CNTN5: variants seen among roughly 807,000 people sequenced by gnomAD.
CNTN5 encodes the protein contactin 5.
In CNTN5, 77 loss-of-function variants were observed where a neutral mutation model predicts 129.1. The observed-to-expected ratio is 0.60, with a 90% confidence interval of 0.50 to 0.72. CNTN5 has a LOEUF of 0.72. Among genes scored for constraint, CNTN5 ranks in the 30% least tolerant of loss-of-function variants. CNTN5 has a pLI of 0.00. For missense variants in CNTN5, 1,478 were observed against 1,328.8 expected, an observed-to-expected ratio of 1.11 and a Z score of -1.75; for synonymous variants, 509 against 465.6, an observed-to-expected ratio of 1.09 and a Z score of -1.20.
intron 3 of CNTN5, among the ~76,000 whole-genome samples, chr11:99,774,379 AG>A (rs1945048017): frequency 6.6e-6 from 1 of 151,804 alleles, no homozygotes; most frequent in Admixed American, 6.6e-5. Context: ...GCCCTGTAAA[AG>A]GAGTTAATCT....
chr11:99,259,480 T>C (rs1197811075), intron 1 of CNTN5, among the ~76,000 whole-genome samples: 1 of 151,908 alleles, frequency 6.6e-6, no homozygotes, highest in Non-Finnish European at 1.5e-5. Context: ...TGAGCAAGTA[T>C]AGCTCCAATT....
intron 3 of CNTN5, among the ~76,000 whole-genome samples, chr11:99,713,090 A>G (rs1955067122): frequency 6.6e-6 from 1 of 152,010 alleles, no homozygotes; most frequent in East Asian, 1.9e-4. Flanking sequence ...TGCCATTTTC[A>G]CGGTATTACT....
At chr11:99,316,778 A>G (rs966670094) in intron 1 of CNTN5, among the ~76,000 whole-genome samples, 1 of 152,068 alleles carries the variant, frequency 6.6e-6, no homozygotes, top group African/African-American at 2.4e-5. Context: ...GAAGTGAAGC[A>G]AATCTCTCTG....
intron 2 of CNTN5, among the ~76,000 whole-genome samples, chr11:99,388,511 G>T (rs962582165): frequency 1.3e-5 from 2 of 151,394 alleles, no homozygotes; most frequent in African/African-American, 4.9e-5. Context: ...ATAGTGCCAT[G>T]CGTATCTTTG....
chr11:99,777,499 T>G (rs988136623), intron 3 of CNTN5, among the ~76,000 whole-genome samples: 2 of 151,924 alleles, frequency 1.3e-5, no homozygotes, highest in Admixed American at 6.6e-5. Context: ...GTTTGGAATT[T>G]AGTCTTCCAC....
chr11:100,113,158 C>A (rs974925155), intron 13 of CNTN5, among the ~76,000 whole-genome samples: 3 of 151,804 alleles, frequency 2.0e-5, no homozygotes, highest in Non-Finnish European at 2.9e-5. Flanking sequence ...TGTATCTGTG[C>A]TGTCCAACAC....
intron 2 of CNTN5, among the ~76,000 whole-genome samples, chr11:99,409,532 T>C (rs1467631206): frequency 6.6e-6 from 1 of 152,188 alleles, no homozygotes; most frequent in East Asian, 1.9e-4. Context: ...GATACAAAAC[T>C]TTTTGAGAGG....
chr11:99,173,614 T>C (rs2135546624), intron 1 of CNTN5, among the ~76,000 whole-genome samples: 1 of 152,268 alleles, frequency 6.6e-6, no homozygotes, highest in Non-Finnish European at 1.5e-5. Context: ...GTCAAAATGA[T>C]CACAGAACAA....
intron 3 of CNTN5, among the ~76,000 whole-genome samples, chr11:99,618,686 C>G (rs1456905657): frequency 6.6e-6 from 1 of 152,072 alleles, no homozygotes; most frequent in African/African-American, 2.4e-5. Context: ...ATAAGATAAA[C>G]ATATAATCTA....
chr11:99,776,401 AAAT>A (rs1945125734), intron 3 of CNTN5, among the ~76,000 whole-genome samples: 1 of 151,960 alleles, frequency 6.6e-6, no homozygotes, highest in Non-Finnish European at 1.5e-5. Context: ...TTTATAGAAA[AAAT>A]TTCTCTAAAA....
intron 2 of CNTN5, among the ~76,000 whole-genome samples, chr11:99,471,664 T>A (rs2135276581): frequency 6.6e-6 from 1 of 152,198 alleles, no homozygotes. Context: ...ATTATACTAT[T>A]TAAGTCATGA....
intron 1 of CNTN5, among the ~76,000 whole-genome samples, chr11:99,150,585 AT>A: frequency 6.6e-6 from 1 of 152,056 alleles, no homozygotes; most frequent in East Asian, 1.9e-4. Context: ...TTTGTATCAC[AT>A]CTTTATTTTG....
intron 13 of CNTN5, among the ~76,000 whole-genome samples, chr11:100,183,390 A>G (rs1424185681): frequency 6.6e-6 from 1 of 151,528 alleles, no homozygotes; most frequent in African/African-American, 2.4e-5. Flanking sequence ...TATGGTATAT[A>G]CACACAATGG....
In CNTN5 at chr11:99,212,345, A is replaced by T. The variant is rs76348602; in HGVS notation, c.-209-113001A>T. ...AGCTTAGTTTTTCCTTACACTATAAATCTAATCCCCAGCATGGGTTGTGGG... is the reference window on the plus strand; with the variant it reads ...AGCTTAGTTTTTCCTTACACTATAATTCTAATCCCCAGCATGGGTTGTGGG... On this transcript the variant is annotated intron_variant, in intron 1 of 24. Transcript: ENST00000524871. Among the ~76,000 whole-genome samples, 180 of 152,248 alleles carry T rather than the reference A, an allele frequency of 1.2e-3. 2 individuals carry two copies. The East Asian group carries it at 0.032, about 27-fold the overall frequency.
chr11:99,783,931 T>G (rs943130062), intron 3 of CNTN5, among the ~76,000 whole-genome samples: 2 of 151,764 alleles, frequency 1.3e-5, no homozygotes, highest in Admixed American at 6.6e-5. Context: ...GTAACTAACC[T>G]GCACAATGTG....
At chr11:100,235,017 G>A (rs1000623389) in intron 16 of CNTN5, among the ~76,000 whole-genome samples, 1 of 151,956 alleles carries the variant, frequency 6.6e-6, no homozygotes, top group African/African-American at 2.4e-5. Flanking sequence ...TTTGATATTT[G>A]TTGTTTTTGC....
At chr11:99,332,902 G>A (rs1045650217) in intron 2 of CNTN5, among the ~76,000 whole-genome samples, 6 of 152,146 alleles carry the variant, frequency 3.9e-5, no homozygotes, top group South Asian at 4.1e-4. Flanking sequence ...TTTCATGAAT[G>A]ATATAATTCA....
chr11:100,026,745 G>C (rs1300102604), intron 9 of CNTN5, among the ~76,000 whole-genome samples: 1 of 151,922 alleles, frequency 6.6e-6, no homozygotes, highest in Non-Finnish European at 1.5e-5. Context: ...TTATTGTTTA[G>C]TTTTAAGAGT....
intron 16 of CNTN5, among the ~76,000 whole-genome samples, chr11:100,234,336 C>A (rs1949555678): frequency 1.3e-5 from 2 of 152,174 alleles, no homozygotes; most frequent in Non-Finnish European, 1.5e-5. Flanking sequence ...TATAAAGACA[C>A]ATGCACATGT....
Sources: gnomAD v4.1 joint callset for allele counts (sites outside exome capture counted in the v4.1 genomes callset) on GRCh38, gnomAD v4.1.1 for gene constraint, MANE v1.5 for transcripts, NCBI Gene and HGNC (gene_info 2026-07-23, HGNC 2026-07-21) for gene names.